The following PADI1 variants were observed in gnomAD, a reference collection of about 807,000 sequenced individuals.
PADI1 encodes the protein protein-arginine deiminase type-1.
PADI1 carries 65 observed loss-of-function variants against 74.8 expected under a neutral mutation model. The ratio of observed to expected loss-of-function variants is 0.87; its 90% CI spans 0.71 to 1.07. The LOEUF (loss-of-function observed/expected upper bound fraction) is 1.07. Ranked by LOEUF, PADI1 falls within the 50% of genes least tolerant of loss-of-function variation. The pLI, the probability that PADI1 is intolerant of heterozygous loss-of-function variation, is 0.00. For missense variants in PADI1, 943 were observed against 854.0 expected, an observed-to-expected ratio of 1.10 and a Z score of -1.30; for synonymous variants, 371 against 336.2, an observed-to-expected ratio of 1.10 and a Z score of -1.13.
chr1:17,223,920 G>A (rs371289877), intron 3 of PADI1, among the ~76,000 whole-genome samples: 2 of 152,162 alleles, frequency 1.3e-5, no homozygotes, highest in Non-Finnish European at 2.9e-5. Flanking sequence ...AGTGAACAAC[G>A]GCTAGACCCA....
chr1:17,222,668 G>T (rs1197761262), intron 2 of PADI1, among the ~76,000 whole-genome samples, 198 bp downstream of exon 2: 1 of 152,102 alleles, frequency 6.6e-6, no homozygotes, highest in Non-Finnish European at 1.5e-5. Context: ...CACCACTCCA[G>T]TATCACACAT....
Position 17,225,804 on chromosome 1 carries a change from G to C in PADI1, c.409-7G>C, listed in dbSNP as rs1190852598. 1 of 1,611,776 alleles carries C rather than the reference G, an allele frequency of 6.2e-7. No individual in the cohort carries two copies. The highest frequency in any genetic ancestry group is 1.7e-5 in the Admixed American group (1 of 59,998). On this transcript the variant is annotated splice_region_variant and splice_polypyrimidine_tract_variant and intron_variant, in intron 4 of 15. Coordinates refer to ENST00000375471, the MANE Select transcript of PADI1 (RefSeq NM_013358.3). ...CACTGATCCCAAGGCATCTTATTTT[G>C]CCACAGAAAACCTGGCGCTGGGGCC...
intron 15 of PADI1, among the ~76,000 whole-genome samples, chr1:17,243,791 T>A (rs2977222): frequency 2.0e-5 from 3 of 152,168 alleles, no homozygotes; most frequent in Admixed American, 2.0e-4. Flanking sequence ...TTCCTGGTAG[T>A]CCTGGCTGTT....
At chr1:17,209,872 A>T (rs2071789806) in intron 1 of PADI1, among the ~76,000 whole-genome samples, 1 of 151,734 alleles carries the variant, frequency 6.6e-6, no homozygotes, top group Non-Finnish European at 1.5e-5. Context: ...TATTTTTGAG[A>T]TGGAGTCTCA....
chr1:17,206,120 T>G (rs546294924), intron 1 of PADI1, among the ~76,000 whole-genome samples: 28 of 152,228 alleles, frequency 1.8e-4, no homozygotes, highest in Admixed American at 1.8e-3. Context: ...GTCTATGGAT[T>G]CCATCCCTGC....
chr1:17,238,821 A>T, intron 13 of PADI1, 112 bp downstream of exon 13: 2 of 478,226 alleles, frequency 4.2e-6, no homozygotes, highest in Non-Finnish European at 3.6e-6. Flanking sequence ...CCCAACACCC[A>T]CTCTCTGTTT....
intron 1 of PADI1, among the ~76,000 whole-genome samples, chr1:17,220,098 G>A (rs1247272258): frequency 6.6e-6 from 1 of 152,068 alleles, no homozygotes; most frequent in African/African-American, 2.4e-5. Context: ...AAAGTGCTGT[G>A]GAATGTGGTG....
chr1:17,224,717 G>A (rs530365846), intron 4 of PADI1, among the ~76,000 whole-genome samples: 33 of 152,002 alleles, frequency 2.2e-4, no homozygotes, highest in African/African-American at 7.7e-4. Context: ...TTTTTATTTT[G>A]AGGGCTATAT....
At chr1:17,216,386 A>C (rs2071979500) in intron 1 of PADI1, among the ~76,000 whole-genome samples, 1 of 152,098 alleles carries the variant, frequency 6.6e-6, no homozygotes, top group Non-Finnish European at 1.5e-5. Flanking sequence ...GTTGCTATGA[A>C]GGTGGAGCTG....
chr1:17,214,600 G>T, intron 1 of PADI1, among the ~76,000 whole-genome samples: 1 of 152,158 alleles, frequency 6.6e-6, no homozygotes, highest in East Asian at 1.9e-4. Context: ...TACATCATGA[G>T]ACATCACCAA....
At position 17,228,687 on chromosome 1, in the gene PADI1, G is replaced by A; in HGVS notation, c.715G>A (p.Glu239Lys). 1 of 1,614,180 alleles carries A rather than the reference G, an allele frequency of 6.2e-7. No homozygotes were observed. Among genetic ancestry groups the A allele is most frequent in the Non-Finnish European group, 8.5e-7 (1 of 1,180,018 alleles). The change falls in exon 7 of 16, where the codon GAG becomes AAG. Residue 239 changes from glutamate to lysine, a missense_variant. By Grantham distance (56) the Glu-to-Lys change is moderately conservative. Coordinates refer to ENST00000375471, the MANE Select transcript of PADI1 (RefSeq NM_013358.3). ...GCCCCAGTGTCTGTCCTATGAAGTT[G>A]AGCGACAGCCAGGGGAGCAGGAGAT... ...LGPQCLSYEV[E>K]RQPGEQEIKF...
rs1369181313 is a variant in PADI1, at chr1:17,230,098, C to T, written c.943C>T (p.His315Tyr). The change falls in exon 9 of 16, where the codon CAT becomes TAT. Residue 315 changes from histidine to tyrosine, a missense_variant. His to Tyr is a moderately conservative substitution (Grantham distance 83). Coordinates refer to ENST00000375471, the MANE Select transcript of PADI1 (RefSeq NM_013358.3). ...TACCTTTTACAGAGTGATGGACACT[C>T]ATGGCTCCAATGAGAAATTCCTGGA... ...ELYVCRVMDT[H>Y]GSNEKFLEDM... The T allele has an allele frequency of 3.7e-6, 6 of 1,613,766 alleles. No homozygotes were observed. Among genetic ancestry groups the T allele is most frequent in the Non-Finnish European group, 5.1e-6 (6 of 1,179,810 alleles).
intron 11 of PADI1, among the ~76,000 whole-genome samples, chr1:17,235,499 T>C (rs1322823766): frequency 6.6e-6 from 1 of 151,892 alleles, no homozygotes; most frequent in African/African-American, 2.4e-5. Flanking sequence ...GGGGACAGAG[T>C]TCAGGGAGAA....
rs558972486 is a variant in PADI1 at position 17,223,784 on chromosome 1, C to G, written c.346+91C>G. ...TTAGTGGATTCCTTGGAGTGGAAGACCCATGGCCAGCTTCCTCCATCACTG... is the reference window on the plus strand; with the variant it reads ...TTAGTGGATTCCTTGGAGTGGAAGAGCCATGGCCAGCTTCCTCCATCACTG... On this transcript the variant is annotated intron_variant, in intron 3 of 15. Coordinates refer to ENST00000375471, the MANE Select transcript of PADI1 (RefSeq NM_013358.3). 5.7e-6 allele frequency: 6 copies of G among 1,055,290 alleles called. No homozygotes were observed. In the East Asian group the frequency reaches 1.5e-4, roughly 26 times the overall value. The allele number at this position is 1,055,290 out of a possible 1,614,324, so 65.4% of individuals were successfully genotyped here. A position where few individuals can be genotyped will look rare whatever the true frequency, so the allele number is the denominator to read the frequency against.
At chr1:17,220,593 T>C (rs1029395782) in intron 1 of PADI1, among the ~76,000 whole-genome samples, 1 of 152,108 alleles carries the variant, frequency 6.6e-6, no homozygotes, top group Non-Finnish European at 1.5e-5. Context: ...ATCTTTGTAG[T>C]CAGGTGGATG....
intron 1 of PADI1, among the ~76,000 whole-genome samples, chr1:17,211,595 C>G (rs1220212468): frequency 6.6e-6 from 1 of 152,246 alleles, no homozygotes; most frequent in East Asian, 1.9e-4. Flanking sequence ...TGAAGTCACA[C>G]AGCCCACAAA....
At chr1:17,206,112 C>T (rs2071675710) in intron 1 of PADI1, among the ~76,000 whole-genome samples, 1 of 152,194 alleles carries the variant, frequency 6.6e-6, no homozygotes, top group Non-Finnish European at 1.5e-5. Flanking sequence ...GAGAGGCTGT[C>T]TATGGATTCC....
intron 1 of PADI1, among the ~76,000 whole-genome samples, chr1:17,210,311 C>T (rs938066667): frequency 5.9e-5 from 9 of 152,080 alleles, no homozygotes; most frequent in South Asian, 2.1e-4. Flanking sequence ...CCTGAGCCAC[C>T]GCGCCCGGCC....
intron 1 of PADI1, among the ~76,000 whole-genome samples, chr1:17,218,325 T>G (rs921428980): frequency 6.6e-6 from 1 of 152,150 alleles, no homozygotes; most frequent in African/African-American, 2.4e-5. Context: ...TATAATAAAT[T>G]TATATATACA....
Sources: gnomAD v4.1 joint callset for allele counts (sites outside exome capture counted in the v4.1 genomes callset) on GRCh38, gnomAD v4.1.1 for gene constraint, MANE v1.5 for transcripts, NCBI Gene and HGNC (gene_info 2026-07-23, HGNC 2026-07-21) for gene names.